Variants in FMN1 observed in about 807,000 individuals in gnomAD.
The protein encoded by FMN1 is formin 1, also known as formin-1.
Under a neutral mutation model 132.4 loss-of-function variants are expected in FMN1, and 110 were observed. That is an observed-to-expected ratio of 0.83 (90% CI 0.71 to 0.97). The LOEUF (loss-of-function observed/expected upper bound fraction) is 0.97. Among genes scored for constraint, FMN1 ranks in the 50% least tolerant of loss-of-function variants. FMN1 has a pLI of 0.00. For synonymous variants in FMN1, 722 were observed against 651.7 expected (o/e 1.11, Z -1.64); for missense variants, 1,792 against 1,705.3 (o/e 1.05, Z -0.90).
In FMN1 at chr15:32,773,482, T is replaced by C. The variant is rs141206003; in HGVS notation, c.*828A>G. On this transcript the variant is annotated 3_prime_UTR_variant, in exon 21 of 21. Transcript: ENST00000616417. ...AAAGGTGCTCTGCCGCTGGGTCTCT[T>C]GTCCAAGCACACCCAAGGCTGTGCT... The C allele has an allele frequency of 1.3e-5, 2 of 152,366 alleles. No homozygotes were observed. The highest frequency in any genetic ancestry group is 2.1e-4 in the South Asian group (1 of 4,824). 9.4% of individuals were successfully genotyped at this position (152,366 alleles called of 1,614,324 possible).
intron 7 of FMN1, among the ~76,000 whole-genome samples, chr15:32,993,907 CG>C (rs1214373486): frequency 2.8e-5 from 1 of 36,228 alleles, no homozygotes; most frequent in Non-Finnish European, 5.3e-5. Flanking sequence ...CAGCCGGGGG[CG>C]GGGTGGGGGG....
At chr15:33,128,862 G>C (rs560534221) in intron 4 of FMN1, among the ~76,000 whole-genome samples, 1 of 152,216 alleles carries the variant, frequency 6.6e-6, no homozygotes, top group African/African-American at 2.4e-5. Flanking sequence ...GCAGACTGCA[G>C]AGGCCTGCGT....
At chr15:33,006,635 C>T (rs561651995) in intron 7 of FMN1, among the ~76,000 whole-genome samples, 4 of 152,158 alleles carry the variant, frequency 2.6e-5, no homozygotes, top group Non-Finnish European at 4.4e-5. Context: ...ATGGAATCAA[C>T]GTTGAGTGTC....
At chr15:32,909,893 A>C (rs895878490) in intron 11 of FMN1, among the ~76,000 whole-genome samples, 1 of 151,304 alleles carries the variant, frequency 6.6e-6, no homozygotes, top group African/African-American at 2.5e-5. Flanking sequence ...AAAAAAAAAA[A>C]TCAGAGCCTA....
intron 4 of FMN1, among the ~76,000 whole-genome samples, chr15:33,089,305 C>T (rs2038820633): frequency 6.6e-6 from 1 of 152,166 alleles, no homozygotes; most frequent in Admixed American, 6.5e-5. Context: ...GTCTGGCCTG[C>T]TGGCTTTCCT....
chr15:33,023,020 C>G (rs1157337420), intron 6 of FMN1, among the ~76,000 whole-genome samples: 2 of 135,642 alleles, frequency 1.5e-5, no homozygotes, highest in East Asian at 4.2e-4. Context: ...GCACTCCAGC[C>G]TGGGTGACAG....
intron 12 of FMN1, 187 bp downstream of exon 12, chr15:32,908,303 G>T (rs763615144): frequency 7.1e-5 from 39 of 550,226 alleles, no homozygotes; most frequent in Non-Finnish European, 1.2e-4. Context: ...GTATCCAACA[G>T]CACAAATCTC....
chr15:32,983,754 A>C (rs1257730733), intron 7 of FMN1, among the ~76,000 whole-genome samples: 1 of 152,198 alleles, frequency 6.6e-6, no homozygotes, highest in Non-Finnish European at 1.5e-5. Flanking sequence ...AAGAGACTCA[A>C]GTGTTCAAAT....
intron 7 of FMN1, among the ~76,000 whole-genome samples, chr15:33,001,992 G>C (rs1391522829): frequency 6.6e-6 from 1 of 152,130 alleles, no homozygotes; most frequent in East Asian, 1.9e-4. Flanking sequence ...CATTTTGCTG[G>C]TGGGGGAAAC....
chr15:32,831,883 A>G (rs903425132), intron 17 of FMN1, among the ~76,000 whole-genome samples: 2 of 152,130 alleles, frequency 1.3e-5, no homozygotes, highest in African/African-American at 4.8e-5. Flanking sequence ...TGCTCTCCAA[A>G]GTGGAGGTAG....
At chr15:32,800,603 C>G (rs771304142) in intron 18 of FMN1, among the ~76,000 whole-genome samples, 1 of 152,178 alleles carries the variant, frequency 6.6e-6, no homozygotes, top group Non-Finnish European at 1.5e-5. Flanking sequence ...TACAAAGTCA[C>G]AGGACTTTAG....
intron 3 of FMN1, among the ~76,000 whole-genome samples, chr15:33,165,483 C>G (rs986873511): frequency 6.6e-6 from 1 of 152,142 alleles, no homozygotes; most frequent in Non-Finnish European, 1.5e-5. Context: ...CTCCGCCTCC[C>G]GGGTTCACGC....
intron 4 of FMN1, among the ~76,000 whole-genome samples, chr15:33,111,653 T>C (rs2039709924): frequency 6.6e-6 from 1 of 152,084 alleles, no homozygotes. Context: ...TATAAAAAAA[T>C]CTCAAAAACA....
At chr15:32,842,955 G>A (rs1361583205) in intron 17 of FMN1, among the ~76,000 whole-genome samples, 2 of 151,878 alleles carry the variant, frequency 1.3e-5, no homozygotes, top group African/African-American at 2.4e-5. Context: ...GAGAAACCCT[G>A]TCTCTACTAA....
rs535023578 is a variant in FMN1, at chr15:33,055,945, C to T, written c.2161+9012G>A. ...TAAAATTAAGTGACTCAGACAGGCA[C>T]CCACGAGGATATGCAATGGCCATGA... On this transcript the variant is annotated intron_variant, in intron 6 of 20. Transcript: ENST00000616417. 2.0e-5 allele frequency among the ~76,000 whole-genome samples: 3 copies of T among 152,256 alleles called. No individual in the cohort carries two copies. In the East Asian group the frequency reaches 5.8e-4, roughly 29 times the overall value.
intron 4 of FMN1, among the ~76,000 whole-genome samples, chr15:33,114,360 G>A (rs955903237): frequency 6.6e-6 from 1 of 152,218 alleles, no homozygotes; most frequent in Non-Finnish European, 1.5e-5. Context: ...TTGGCCTCTG[G>A]CTGCCTGAAC....
chr15:33,023,842 A>C (rs1177815465), intron 6 of FMN1, among the ~76,000 whole-genome samples: 1 of 152,160 alleles, frequency 6.6e-6, no homozygotes, highest in East Asian at 1.9e-4. Flanking sequence ...GGGATAGACT[A>C]TTTTTTTAAA....
chr15:32,857,200 T>C (rs1222377631), intron 16 of FMN1, 93 bp from the exon 17 acceptor site: 7 of 922,904 alleles, frequency 7.6e-6, no homozygotes, highest in African/African-American at 6.5e-5. Flanking sequence ...TGGCTATCAA[T>C]TGTGCACACT....
chr15:33,112,603 G>A (rs1423553899), intron 4 of FMN1, among the ~76,000 whole-genome samples: 1 of 152,114 alleles, frequency 6.6e-6, no homozygotes, highest in Non-Finnish European at 1.5e-5. Context: ...AAAGATATTA[G>A]AGGCAAGAAG....
Sources: gnomAD v4.1 joint callset for allele counts (sites outside exome capture counted in the v4.1 genomes callset) on GRCh38, gnomAD v4.1.1 for gene constraint, MANE v1.5 for transcripts, NCBI Gene and HGNC (gene_info 2026-07-23, HGNC 2026-07-21) for gene names.